The following ASIP variants were observed in gnomAD, a reference collection of about 807,000 sequenced individuals.
The protein encoded by ASIP is agouti-signaling protein.
Under a neutral mutation model 10.3 loss-of-function variants are expected in ASIP, and 11 were observed. The ratio of observed to expected loss-of-function variants is 1.07; its 90% CI spans 0.68 to 1.78. ASIP has a LOEUF of 1.78. Ranked by LOEUF, ASIP falls within the 40% of genes most tolerant of loss-of-function variation. The probability of loss-of-function intolerance (pLI) is 0.00; values close to 1 mark genes in which losing one functional copy is unlikely to be tolerated. For missense variants in ASIP, 180 were observed against 169.2 expected, an observed-to-expected ratio of 1.06 and a Z score of -0.35; for synonymous variants, 70 against 70.8, an observed-to-expected ratio of 0.99 and a Z score of 0.06.
At chr20:34,248,502 A>G (rs1221624460) in intron 1 of ASIP, among the ~76,000 whole-genome samples, 1 of 152,162 alleles carries the variant, frequency 6.6e-6, no homozygotes, top group African/African-American at 2.4e-5. Flanking sequence ...GCAAATCCTC[A>G]CCATAAAAGA....
At chr20:34,214,404 G>A (rs2034994147) in intron 1 of ASIP, 28 of 1,412,820 alleles carry the variant, frequency 2.0e-5, no homozygotes, top group South Asian at 3.5e-5. Flanking sequence ...GACTCCTGAT[G>A]TTACCAGAGT....
intron 1 of ASIP, among the ~76,000 whole-genome samples, chr20:34,204,812 T>C (rs1327188918): frequency 1.3e-5 from 2 of 152,234 alleles, no homozygotes; most frequent in South Asian, 2.1e-4. Context: ...ATTTTTACAC[T>C]TTATTCATTT....
At chr20:34,252,497 T>C (rs1365761505) in intron 1 of ASIP, among the ~76,000 whole-genome samples, 1 of 152,184 alleles carries the variant, frequency 6.6e-6, no homozygotes, top group Non-Finnish European at 1.5e-5. Flanking sequence ...AGCAGTATTG[T>C]TGTCAGTATA....
At chr20:34,260,909 G>A (rs1404898429) in intron 2 of ASIP, among the ~76,000 whole-genome samples, 1 of 152,200 alleles carries the variant, frequency 6.6e-6, no homozygotes, top group Non-Finnish European at 1.5e-5. Context: ...TCATGTCAGG[G>A]TTGGGAATGA....
At chr20:34,254,189 A>G (rs916061777) in intron 1 of ASIP, among the ~76,000 whole-genome samples, 4 of 152,090 alleles carry the variant, frequency 2.6e-5, no homozygotes, top group African/African-American at 9.7e-5. Context: ...CAGCCTCCCA[A>G]GTAGTTGGGA....
upstream of ASIP, among the ~76,000 whole-genome samples, chr20:34,238,036 T>C (rs558234382): frequency 2.0e-5 from 3 of 152,308 alleles, no homozygotes; most frequent in African/African-American, 7.2e-5. Context: ...ATTTATTGTA[T>C]GTGATGAGTC....
At chr20:34,213,000 C>A (rs969156322) in intron 1 of ASIP, among the ~76,000 whole-genome samples, 1 of 152,196 alleles carries the variant, frequency 6.6e-6, no homozygotes, top group Non-Finnish European at 1.5e-5. Context: ...AAGCAAGAAG[C>A]CTCCTAGAAT....
At chr20:34,220,532 T>C (rs1601577014) in intron 1 of ASIP, among the ~76,000 whole-genome samples, 1 of 151,476 alleles carries the variant, frequency 6.6e-6, no homozygotes, top group South Asian at 2.1e-4. Flanking sequence ...GAGGCAGAGG[T>C]TGCAGTGTGC....
intron 1 of ASIP, among the ~76,000 whole-genome samples, 154 bp downstream of exon 1, chr20:34,241,643 C>T (rs1446487097): frequency 1.3e-5 from 2 of 152,176 alleles, no homozygotes; most frequent in African/African-American, 4.8e-5. Context: ...AAGAGGAGTT[C>T]AGTGTGAAGA....
At chr20:34,256,605 T>C (rs1395401084) in intron 1 of ASIP, among the ~76,000 whole-genome samples, 1 of 152,172 alleles carries the variant, frequency 6.6e-6, no homozygotes, top group African/African-American at 2.4e-5. Context: ...GCCTGGCCTC[T>C]TTTTCTAGCT....
At chr20:34,221,347 C>T (rs572094049) in intron 1 of ASIP, among the ~76,000 whole-genome samples, 8 of 151,762 alleles carry the variant, frequency 5.3e-5, no homozygotes, top group Admixed American at 5.2e-4. Flanking sequence ...CACTGCACTC[C>T]AGCCTGGGCG....
intron 3 of ASIP, among the ~76,000 whole-genome samples, chr20:34,264,938 G>A (rs1016835209): frequency 2.1e-4 from 32 of 151,818 alleles, no homozygotes; most frequent in Admixed American, 4.6e-4. Context: ...TAGGACTACG[G>A]GTGTGCACCA....
At chr20:34,232,065 A>G (rs6142129) in intron 1 of ASIP, among the ~76,000 whole-genome samples, 42,813 of 152,154 alleles carry the variant, frequency 0.28, 6,627 homozygotes, top group Admixed American at 0.36. Context: ...CCTGAGTCCA[A>G]CAGGGACAAC....
intron 2 of ASIP, among the ~76,000 whole-genome samples, chr20:34,261,866 G>A (rs1330704344): frequency 3.9e-5 from 6 of 152,032 alleles, no homozygotes; most frequent in South Asian, 2.1e-4. Context: ...TAATCCCAGC[G>A]CTTTGGGAGG....
chr20:34,216,462 T>G (rs1415786295), intron 1 of ASIP, among the ~76,000 whole-genome samples: 1 of 152,220 alleles, frequency 6.6e-6, no homozygotes, highest in Non-Finnish European at 1.5e-5. Context: ...CAATATTTTA[T>G]TTTTACTTTT....
In ASIP at chr20:34,260,043, C is replaced by T. The variant is rs540200443; in HGVS notation, c.-10-322C>T. Among the ~76,000 whole-genome samples, 8 of 152,064 alleles carry T rather than the reference C, an allele frequency of 5.3e-5. No individual in the cohort carries two copies. The East Asian group carries it at 1.5e-3, about 29-fold the overall frequency. The stretch of plus-strand genomic sequence containing the variant: ...TGCCCAGGCCTGGGGTCTCCTGGGG[C>T]CACAGACATTAAAAAAACACACAGA... On this transcript the variant is annotated intron_variant, in intron 1 of 3. Coordinates refer to ENST00000374954, the MANE Select transcript of ASIP (RefSeq NM_001672.3).
intron 3 of ASIP, among the ~76,000 whole-genome samples, chr20:34,264,949 CCATGCCT>C (rs1265279594): frequency 6.6e-6 from 1 of 151,884 alleles, no homozygotes; most frequent in African/African-American, 2.4e-5. Flanking sequence ...GTGTGCACCA[CCATGCCT>C]GGCAGATTTT....
At chr20:34,263,751 C>T (rs2035737595) in intron 3 of ASIP, among the ~76,000 whole-genome samples, 1 of 151,474 alleles carries the variant, frequency 6.6e-6, no homozygotes, top group South Asian at 2.1e-4. Flanking sequence ...TCACTGCAAC[C>T]TTCACCTGGC....
the ASIP span, among the ~76,000 whole-genome samples, chr20:34,186,871 T>C: frequency 6.6e-6 from 1 of 152,130 alleles, no homozygotes; most frequent in African/African-American, 2.4e-5. Context: ...TGGAGTGCAG[T>C]GGTGCGATCT....
Sources: allele counts gnomAD v4.1 joint callset (sites outside exome capture counted in the v4.1 genomes callset), GRCh38; gene constraint gnomAD v4.1.1; transcripts MANE v1.5; gene names NCBI Gene and HGNC (gene_info 2026-07-23, HGNC 2026-07-21).